Variants in HPSE observed in about 807,000 individuals in gnomAD.
HPSE encodes the protein endo-glucoronidase.
A neutral mutation model predicts 65.1 loss-of-function variants in HPSE; 48 were observed. The ratio of observed to expected loss-of-function variants is 0.74; its 90% CI spans 0.58 to 0.94. The LOEUF (loss-of-function observed/expected upper bound fraction) is 0.94. HPSE is among the 40% of genes least tolerant of loss of function. The probability of loss-of-function intolerance (pLI) is 0.00; values close to 1 mark genes in which losing one functional copy is unlikely to be tolerated. For missense variants in HPSE, 644 were observed against 637.5 expected (o/e 1.01, Z -0.11); for synonymous variants, 243 against 260.0 (o/e 0.93, Z 0.63).
intron 6 of HPSE, 76 bp downstream of exon 6, chr4:83,309,955 A>G (rs1268965750): frequency 1.9e-6 from 2 of 1,035,836 alleles, no homozygotes; most frequent in Non-Finnish European, 2.9e-6. Flanking sequence ...AGTTAAATGA[A>G]CTAACTTTTT....
intron 1 of HPSE, among the ~76,000 whole-genome samples, chr4:83,330,258 G>C: frequency 6.6e-6 from 1 of 152,214 alleles, no homozygotes. Context: ...GGAAGACAGT[G>C]TCATCAGAGA....
intron 1 of HPSE, among the ~76,000 whole-genome samples, chr4:83,327,212 G>T (rs72613134): frequency 0.19 from 29,084 of 152,026 alleles, 3,530 homozygotes; most frequent in East Asian, 0.41. Context: ...AGCAAGGCCC[G>T]CCTGATGTAA....
intron 3 of HPSE, 73 bp downstream of exon 3, chr4:83,319,271 A>G (rs1736777468): frequency 2.7e-6 from 4 of 1,458,966 alleles, no homozygotes; most frequent in African/African-American, 2.8e-5. Context: ...GACTTGCTAG[A>G]TTGGTGCCCG....
Position 83,310,782 on chromosome 4 carries a change from G to A in HPSE, c.782C>T (p.Ala261Val). 1 of 1,614,110 alleles carries A rather than the reference G, an allele frequency of 6.2e-7. No homozygotes were observed. The highest frequency in any genetic ancestry group is 8.5e-7 in the Non-Finnish European group (1 of 1,180,014). ...KLLRKSTFKN[A>V]KLYGPDVGQP... ...ACCAACATCAGGACCATAGAGTTTTGCATTTTTGAAGGTGGACTTTCTTAG... is the reference window on the plus strand; with the variant it reads ...ACCAACATCAGGACCATAGAGTTTTACATTTTTGAAGGTGGACTTTCTTAG... Residue 261 changes from alanine (A) to valine (V), a missense_variant, in exon 5 of 12, where the codon GCA (alanine) becomes GTA (valine). Coordinates refer to ENST00000311412, the MANE Select transcript of HPSE (RefSeq NM_001098540.3).
Position 83,300,941 on chromosome 4 carries a change from A to C in HPSE, c.1472+19T>G. 6.4e-7 allele frequency: 1 copy of C among 1,551,600 alleles called. No individual in the cohort carries two copies. The highest frequency in any genetic ancestry group is 1.4e-5 in the African/African-American group (1 of 72,118). ...ATAAATTTATTGAAAGTTTGGAATG[A>C]ACAAGGAAAATTACTTACTTGGAAA... is the stretch of plus-strand genomic sequence containing the variant. On this transcript the variant is annotated intron_variant, in intron 11 of 11. Transcript: ENST00000311412.
rs373648825 is a variant in HPSE at position 83,295,426 on chromosome 4, C to T, written c.1550G>A (p.Arg517Gln). The part of the protein sequence containing the change: ...TLPPLMEKPL[R>Q]PGSSLGLPAF... ...TGGCAAGCCCAGTGAACTTCCTGGC[C>T]GGAGAGGTTTTTCCATTAAAGGTGG... Residue 517 changes from arginine (R) to glutamine (Q), a missense_variant, in exon 12 of 12, where the codon CGG (arginine) becomes CAG (glutamine). Transcript: ENST00000311412. The T allele has an allele frequency of 6.7e-5, 108 of 1,613,310 alleles. No homozygotes were observed. The highest frequency in any genetic ancestry group is 1.3e-4 in the African/African-American group (10 of 74,994).
At chr4:83,316,871 T>TTTG (rs756496544) in intron 3 of HPSE, among the ~76,000 whole-genome samples, 143 of 152,198 alleles carry the variant, frequency 9.4e-4, no homozygotes, top group Non-Finnish European at 1.8e-3. Flanking sequence ...CACCCGTTTT[T>TTTG]TTGTTGTTGT....
At chr4:83,297,093 C>A (rs1349926730) in intron 11 of HPSE, among the ~76,000 whole-genome samples, 1 of 152,112 alleles carries the variant, frequency 6.6e-6, no homozygotes, top group Non-Finnish European at 1.5e-5. Context: ...TGTTTAGATA[C>A]ACAACTACTT....
At chr4:83,310,008 T>G in intron 6 of HPSE, 23 bp downstream of exon 6, 1 of 1,558,240 alleles carries the variant, frequency 6.4e-7, no homozygotes, top group Non-Finnish European at 8.8e-7. Context: ...TTTCCTAGTA[T>G]TAAGAATAGG....
intron 1 of HPSE, among the ~76,000 whole-genome samples, chr4:83,333,632 A>C (rs2126200155): frequency 6.6e-6 from 1 of 152,306 alleles, no homozygotes; most frequent in African/African-American, 2.4e-5. Flanking sequence ...GCCTGCATTC[A>C]TGGGGCAGGA....
intron 2 of HPSE, among the ~76,000 whole-genome samples, chr4:83,320,791 C>T (rs889355774): frequency 1.3e-5 from 2 of 152,152 alleles, no homozygotes; most frequent in African/African-American, 4.8e-5. Flanking sequence ...CCAGTTTCCC[C>T]CACCGACCAT....
chr4:83,313,037 A>AAG lies in HPSE; in HGVS notation c.673+76_673+77insCT, dbSNP rs1553919977. 4,801 of 812,884 alleles carry AAG rather than the reference A, an allele frequency of 5.9e-3. 76 individuals carry two copies. Among genetic ancestry groups the AAG allele is most frequent in the African/African-American group, 0.037 (2,045 of 54,780 alleles). The allele number at this position is 812,884 out of a possible 1,614,324, so 50.4% of individuals were successfully genotyped here. ...ACTCTGTCTCAAAAAAAAAAAAAAA[A>AAG]AAAAGAAAAAGAAAAGAAAAGAAAT... On this transcript the variant is annotated intron_variant, in intron 4 of 11. Transcript: ENST00000311412.
chr4:83,308,770 G>A, intron 8 of HPSE, 75 bp downstream of exon 8: 1 of 1,109,394 alleles, frequency 9.0e-7, no homozygotes, highest in Middle Eastern at 3.0e-4. Flanking sequence ...TTTTGGCTGG[G>A]GAGCTATTTC....
intron 7 of HPSE, 90 bp downstream of exon 7, chr4:83,309,312 G>A (rs1736275335): frequency 2.8e-6 from 2 of 709,218 alleles, no homozygotes; most frequent in Non-Finnish European, 4.8e-6. Context: ...AGAAAAACAT[G>A]TAAATATACA....
chr4:83,296,787 T>G (rs1163770318), intron 11 of HPSE, among the ~76,000 whole-genome samples: 2 of 152,174 alleles, frequency 1.3e-5, no homozygotes, highest in Non-Finnish European at 1.5e-5. Context: ...AACAGTGTCT[T>G]TTATATAGTA....
intron 1 of HPSE, among the ~76,000 whole-genome samples, chr4:83,328,838 T>C (rs187759693): frequency 2.0e-4 from 30 of 151,962 alleles, no homozygotes; most frequent in African/African-American, 7.2e-4. Context: ...AGGTGACTGA[T>C]AGAGCGAAGT....
Position 83,294,292 on chromosome 4 carries a change from C to T in HPSE, c.*1052G>A, listed in dbSNP as rs940595620. ...GGCCAGGCTGGTATCAAATTCCTCA[C>T]GTCAGGTGATCCATCTGCCTCGGCC... On this transcript the variant is annotated 3_prime_UTR_variant, in exon 12 of 12. Transcript: ENST00000311412. The T allele has an allele frequency of 5.3e-5, 8 of 152,272 alleles. No individual in the cohort carries two copies. The highest frequency in any genetic ancestry group is 1.2e-4 in the Non-Finnish European group (8 of 68,114). 9.4% of individuals were successfully genotyped at this position (152,272 alleles called of 1,614,324 possible). A position where few individuals can be genotyped will look rare whatever the true frequency, so the allele number is the denominator to read the frequency against.
intron 3 of HPSE, among the ~76,000 whole-genome samples, chr4:83,314,198 C>T (rs1320888440): frequency 6.8e-6 from 1 of 146,760 alleles, no homozygotes; most frequent in Non-Finnish European, 1.5e-5. Flanking sequence ...GTCAAGGCTG[C>T]AGTGAGCCAT....
chr4:83,317,438 T>C (rs894662248), intron 3 of HPSE, among the ~76,000 whole-genome samples: 4 of 152,214 alleles, frequency 2.6e-5, no homozygotes, highest in African/African-American at 9.7e-5. Context: ...GACGTGCCCA[T>C]GAAAACTGAA....
Sources: allele counts gnomAD v4.1 joint callset (sites outside exome capture counted in the v4.1 genomes callset), GRCh38; gene constraint gnomAD v4.1.1; transcripts MANE v1.5; gene names NCBI Gene and HGNC (gene_info 2026-07-23, HGNC 2026-07-21).